SH3PXD2B: variants seen among roughly 807,000 people sequenced by gnomAD.
SH3PXD2B encodes SH3 and PX domain-containing protein 2B.
SH3PXD2B carries 37 observed loss-of-function variants against 73.1 expected under a neutral mutation model. The ratio of observed to expected loss-of-function variants is 0.51; its 90% CI spans 0.39 to 0.67. The LOEUF (loss-of-function observed/expected upper bound fraction) is 0.67, where lower values mean the gene tolerates loss of function less well. Ranked by LOEUF, SH3PXD2B falls within the 30% of genes least tolerant of loss-of-function variation. The pLI is 0.00. For synonymous variants in SH3PXD2B, 457 were observed against 480.5 expected (o/e 0.95, Z 0.64); for missense variants, 1,053 against 1,197.8 (o/e 0.88, Z 1.78).
Position 172,422,658 on chromosome 5 carries a change from C to T in SH3PXD2B, c.76-162G>A, listed in dbSNP as rs72846968. 0.053 allele frequency among the ~76,000 whole-genome samples: 8,016 copies of T among 152,266 alleles called. 278 individuals are homozygous for T. Among genetic ancestry groups the T allele is most frequent in the Non-Finnish European group, 0.079 (5,362 of 68,014 alleles). On this transcript the variant is annotated intron_variant, in intron 1 of 12. Coordinates refer to ENST00000311601, the MANE Select transcript of SH3PXD2B (RefSeq NM_001017995.3). The stretch of plus-strand genomic sequence containing the variant: ...AGTTGCTTGCTGTAAGACTCATCTC[C>T]CTCCTCAATAAAATGAGTGTAATAA...
At chr5:172,453,866 T>C (rs1759859936) in intron 1 of SH3PXD2B, among the ~76,000 whole-genome samples, 1 of 152,074 alleles carries the variant, frequency 6.6e-6, no homozygotes, top group African/African-American at 2.4e-5. Flanking sequence ...TCTGCGCGCC[T>C]CTGGACAAGG....
At chr5:172,448,330 C>T (rs1759720303) in intron 1 of SH3PXD2B, among the ~76,000 whole-genome samples, 2 of 152,224 alleles carry the variant, frequency 1.3e-5, no homozygotes, top group Non-Finnish European at 2.9e-5. Context: ...TAGTACTTTT[C>T]ATGACTACCA....
chr5:172,336,624 T>G lies in SH3PXD2B; in HGVS notation c.*1745A>C. The stretch of plus-strand genomic sequence containing the variant: ...GACACTGAGCATCCCCCCAAAAAAC[T>G]GGCTTTGTGGGTCCAAAAGTATCTC... On this transcript the variant is annotated 3_prime_UTR_variant, in exon 13 of 13. Coordinates refer to ENST00000311601, the MANE Select transcript of SH3PXD2B (RefSeq NM_001017995.3). 1 of 967,474 alleles carries G rather than the reference T, an allele frequency of 1.0e-6. No individual in the cohort carries two copies. The highest frequency in any genetic ancestry group is 1.2e-6 in the Non-Finnish European group (1 of 826,166). 59.9% of individuals were successfully genotyped at this position (967,474 alleles called of 1,614,324 possible). A position where few individuals can be genotyped will look rare whatever the true frequency, so the allele number is the denominator to read the frequency against.
At chr5:172,382,852 C>T (rs1757980373) in intron 4 of SH3PXD2B, among the ~76,000 whole-genome samples, 1 of 152,010 alleles carries the variant, frequency 6.6e-6, no homozygotes, top group Admixed American at 6.6e-5. Flanking sequence ...CCCTAGTCTC[C>T]TGAGTAGCTG....
At chr5:172,333,460 C>T (rs1756607623), downstream of SH3PXD2B, 8 of 1,114,288 alleles carry the variant, frequency 7.2e-6, no homozygotes, top group Middle Eastern at 8.2e-4. Flanking sequence ...AAGCTATGTA[C>T]CCTTTCTCCT....
intron 5 of SH3PXD2B, among the ~76,000 whole-genome samples, chr5:172,375,633 C>G (rs1757806660): frequency 6.6e-6 from 1 of 152,162 alleles, no homozygotes; most frequent in Admixed American, 6.5e-5. Context: ...TGGCTTCTTT[C>G]ATTTGGCATA....
Position 172,348,710 on chromosome 5 carries a change from T to TCC in SH3PXD2B, c.1013-1379_1013-1378insGG, listed in dbSNP as rs1561896956. Among the ~76,000 whole-genome samples the TCC allele has an allele frequency of 4.0e-3, 112 of 28,168 alleles. 1 individual carries two copies. The highest frequency in any genetic ancestry group is 0.026 in the Middle Eastern group (1 of 38). The allele number at this position is 28,168 out of a possible 152,430, so 18.5% of individuals were successfully genotyped here. A position where few individuals can be genotyped will look rare whatever the true frequency, so the allele number is the denominator to read the frequency against. ...ATCTATCTATCTATCTATCTATCTA[T>TCC]TTATTTATTTTTGAGGGACAGGGTC... is the stretch of plus-strand genomic sequence containing the variant. On this transcript the variant is annotated intron_variant, in intron 10 of 12. Coordinates refer to ENST00000311601, the MANE Select transcript of SH3PXD2B (RefSeq NM_001017995.3).
chr5:172,449,666 G>A (rs1759749330), intron 1 of SH3PXD2B, among the ~76,000 whole-genome samples: 1 of 152,204 alleles, frequency 6.6e-6, no homozygotes, highest in Admixed American at 6.5e-5. Context: ...GTGTGAACAA[G>A]CACCACTTTT....
intron 12 of SH3PXD2B, among the ~76,000 whole-genome samples, chr5:172,328,484 C>T (rs1756487629): frequency 6.6e-6 from 1 of 152,120 alleles, no homozygotes; most frequent in Non-Finnish European, 1.5e-5. Context: ...CAGGTGTTAG[C>T]CACCACTTCC....
At chr5:172,389,787 G>A (rs1342083808) in intron 4 of SH3PXD2B, among the ~76,000 whole-genome samples, 2 of 152,126 alleles carry the variant, frequency 1.3e-5, no homozygotes, top group African/African-American at 4.8e-5. Flanking sequence ...GGTCCCATCT[G>A]GCAAAGAGCA....
chr5:172,361,335 T>C (rs559688571), intron 7 of SH3PXD2B, among the ~76,000 whole-genome samples: 1 of 152,338 alleles, frequency 6.6e-6, no homozygotes, highest in Admixed American at 6.5e-5. Context: ...AGTTTCATCA[T>C]TAATCTTCTA....
intron 1 of SH3PXD2B, among the ~76,000 whole-genome samples, chr5:172,422,917 C>T (rs2113465392): frequency 6.6e-6 from 1 of 152,280 alleles, no homozygotes; most frequent in African/African-American, 2.4e-5. Flanking sequence ...CACAGGCCAG[C>T]CCATCATGCT....
chr5:172,333,531 T>C lies in SH3PXD2B; in HGVS notation c.*4838A>G. On this transcript the variant is annotated 3_prime_UTR_variant, in exon 13 of 13. Coordinates refer to ENST00000311601, the MANE Select transcript of SH3PXD2B (RefSeq NM_001017995.3). ...TGAAGCTTGAAACCAGTCAAGCACT[T>C]TTTTTATTTAAAAAAAAAAAAAGGA... is the stretch of plus-strand genomic sequence containing the variant. 8.8e-7 allele frequency: 1 copy of C among 1,131,958 alleles called. No individual in the cohort carries two copies. The highest frequency in any genetic ancestry group is 1.1e-6 in the Non-Finnish European group (1 of 922,026). The allele number at this position is 1,131,958 out of a possible 1,614,324, so 70.1% of individuals were successfully genotyped here. A position where few individuals can be genotyped will look rare whatever the true frequency, so the allele number is the denominator to read the frequency against.
At chr5:172,360,038 G>C (rs1449534600) in intron 7 of SH3PXD2B, among the ~76,000 whole-genome samples, 1 of 152,170 alleles carries the variant, frequency 6.6e-6, no homozygotes, top group Non-Finnish European at 1.5e-5. Context: ...GAAAGCAATG[G>C]GGCCCTGTCG....
intron 6 of SH3PXD2B, among the ~76,000 whole-genome samples, chr5:172,368,804 ATATG>A (rs1442093397): frequency 7.7e-6 from 1 of 129,330 alleles, no homozygotes; most frequent in African/African-American, 2.9e-5. Context: ...CACATATATA[ATATG>A]TATATTAAAT....
At position 172,373,833 on chromosome 5, in the gene SH3PXD2B, G is replaced by A. The variant is rs371085113; in HGVS notation, c.402-18C>T. On this transcript the variant is annotated intron_variant, in intron 5 of 12. Coordinates refer to ENST00000311601, the MANE Select transcript of SH3PXD2B (RefSeq NM_001017995.3). ...TGTGCTCCCTGTACAGGAAAGAAAG[G>A]GGGTGGGAAGAGTAACGAGTCAGTA... 2 of 1,613,800 alleles carry A rather than the reference G, an allele frequency of 1.2e-6. No individual in the cohort carries two copies. The highest frequency in any genetic ancestry group is 1.7e-6 in the Non-Finnish European group (2 of 1,179,842).
chr5:172,334,232 G>A lies in SH3PXD2B; in HGVS notation c.*4137C>T. 1 of 1,069,914 alleles carries A rather than the reference G, an allele frequency of 9.3e-7. No individual in the cohort carries two copies. Among genetic ancestry groups the A allele is most frequent in the African/African-American group, 1.7e-5 (1 of 57,908 alleles). 66.3% of individuals were successfully genotyped at this position (1,069,914 alleles called of 1,614,324 possible). Reference sequence around the variant, plus strand: ...CCACCCCACGGAGCTGGGCAGTCCAGTCTGTAGAAAGGTGCTCTGAAGGAG... The same window carrying A: ...CCACCCCACGGAGCTGGGCAGTCCAATCTGTAGAAAGGTGCTCTGAAGGAG... On this transcript the variant is annotated 3_prime_UTR_variant, in exon 13 of 13. Transcript: ENST00000311601.
At chr5:172,386,879 C>T (rs575331399) in intron 4 of SH3PXD2B, among the ~76,000 whole-genome samples, 6 of 152,296 alleles carry the variant, frequency 3.9e-5, no homozygotes, top group Admixed American at 2.0e-4. Flanking sequence ...CCACCTGCCT[C>T]GGCCTTCCAA....
intron 6 of SH3PXD2B, among the ~76,000 whole-genome samples, chr5:172,363,870 G>A (rs1236949704): frequency 1.3e-5 from 2 of 152,190 alleles, no homozygotes; most frequent in Non-Finnish European, 2.9e-5. Context: ...AATGACAAGA[G>A]TTACATCTTT....
Sources: gnomAD v4.1 joint callset for allele counts (sites outside exome capture counted in the v4.1 genomes callset) on GRCh38, gnomAD v4.1.1 for gene constraint, MANE v1.5 for transcripts, NCBI Gene and HGNC (gene_info 2026-07-23, HGNC 2026-07-21) for gene names.